The following IMMP2L variants were observed in gnomAD, a reference collection of about 807,000 sequenced individuals.
The protein encoded by IMMP2L is inner mitochondrial membrane peptidase subunit 2.
Under a neutral mutation model 19.3 loss-of-function variants are expected in IMMP2L, and 18 were observed. The ratio of observed to expected loss-of-function variants is 0.93; its 90% CI spans 0.64 to 1.38. The LOEUF is 1.38. Ranked by LOEUF, IMMP2L falls within the 40% of genes most tolerant of loss-of-function variation. IMMP2L has a pLI of 0.00. For missense variants in IMMP2L, 233 were observed against 218.2 expected (o/e 1.07, Z -0.43); for synonymous variants, 76 against 73.0 (o/e 1.04, Z -0.21).
At chr7:111,023,864 G>C (rs1197628500) in intron 3 of IMMP2L, among the ~76,000 whole-genome samples, 1 of 152,186 alleles carries the variant, frequency 6.6e-6, no homozygotes, top group Non-Finnish European at 1.5e-5. Flanking sequence ...AGGAGTCCAT[G>C]ACTCTCATCA....
At chr7:111,430,435 C>T (rs1342555511) in intron 3 of IMMP2L, among the ~76,000 whole-genome samples, 2 of 151,504 alleles carry the variant, frequency 1.3e-5, no homozygotes, top group Non-Finnish European at 2.9e-5. Flanking sequence ...TTTTAGCCTT[C>T]TTTAACTTCT....
chr7:110,932,124 T>C (rs1420308746), intron 4 of IMMP2L, among the ~76,000 whole-genome samples: 1 of 152,128 alleles, frequency 6.6e-6, no homozygotes, highest in African/African-American at 2.4e-5. Context: ...TCTGCCTTTA[T>C]GTCCTATTTC....
In IMMP2L at chr7:110,959,552, C is replaced by A. The variant is rs10267717; in HGVS notation, c.305+3948G>T. Among the ~76,000 whole-genome samples, 1,502 of 151,928 alleles carry A rather than the reference C, an allele frequency of 9.9e-3. 21 individuals carry two copies. The highest frequency in any genetic ancestry group is 0.033 in the African/African-American group (1,389 of 41,484). ...ATTATTAATATAAAATCCAGGAAGCCAAGGATCTTCAGGTGCCAAAGTTTC... is the reference window on the plus strand; with the variant it reads ...ATTATTAATATAAAATCCAGGAAGCAAAGGATCTTCAGGTGCCAAAGTTTC... On this transcript the variant is annotated intron_variant, in intron 4 of 5. Coordinates refer to ENST00000405709, the MANE Select transcript of IMMP2L (RefSeq NM_032549.4).
chr7:111,275,477 G>A (rs1450935288), intron 3 of IMMP2L, among the ~76,000 whole-genome samples: 1 of 152,038 alleles, frequency 6.6e-6, no homozygotes, highest in African/African-American at 2.4e-5. Flanking sequence ...CAGTTGTGGG[G>A]GACTGGTGAA....
At chr7:111,262,698 T>A (rs1321481728) in intron 3 of IMMP2L, among the ~76,000 whole-genome samples, 1 of 152,186 alleles carries the variant, frequency 6.6e-6, no homozygotes. Flanking sequence ...TAGAACTGTC[T>A]AGAGTATTAA....
At chr7:111,492,890 C>T (rs1843227576) in intron 2 of IMMP2L, among the ~76,000 whole-genome samples, 1 of 152,136 alleles carries the variant, frequency 6.6e-6, no homozygotes, top group Non-Finnish European at 1.5e-5. Context: ...CTCATGTGCG[C>T]TCCCATAGCA....
rs1398195151 is a variant in IMMP2L at position 110,757,664 on chromosome 7, G to A, written c.409-93943C>T. 6.6e-6 allele frequency among the ~76,000 whole-genome samples: 1 copy of A among 152,114 alleles called. No individual in the cohort carries two copies. Among genetic ancestry groups the A allele is most frequent in the East Asian group, 1.9e-4 (1 of 5,176 alleles). ...GTGCTCCCAGCCCTTGTCCAGCAGT[G>A]GTAACAGCTCTGCTTTATCAGGCCT... On this transcript the variant is annotated intron_variant, in intron 5 of 5. Coordinates refer to ENST00000405709, the MANE Select transcript of IMMP2L (RefSeq NM_032549.4). This position sits in a 1 kb window ranked among gnomAD's most constrained non-coding sequence, Gnocchi z 4.2.
At chr7:111,500,203 G>A (rs1007457236) in intron 2 of IMMP2L, among the ~76,000 whole-genome samples, 3 of 152,258 alleles carry the variant, frequency 2.0e-5, no homozygotes, top group Admixed American at 2.0e-4. Flanking sequence ...GAGTCTCGCT[G>A]ATTGCTAGCA....
At chr7:111,079,580 A>G (rs956391536) in intron 3 of IMMP2L, among the ~76,000 whole-genome samples, 10 of 152,366 alleles carry the variant, frequency 6.6e-5, no homozygotes, top group African/African-American at 2.2e-4. Context: ...GAGGTACTGC[A>G]TAATTCAAAG....
intron 5 of IMMP2L, among the ~76,000 whole-genome samples, chr7:110,830,262 T>C (rs1046918391): frequency 1.3e-5 from 2 of 152,122 alleles, no homozygotes; most frequent in Admixed American, 6.6e-5. Context: ...TTATGCCTTT[T>C]TAGCAATAGT....
intron 5 of IMMP2L, among the ~76,000 whole-genome samples, chr7:110,741,673 G>T (rs1184668303): frequency 6.6e-6 from 1 of 152,008 alleles, no homozygotes; most frequent in Non-Finnish European, 1.5e-5. Context: ...TGTTGCAGCA[G>T]CCAGAATGAA....
At chr7:110,819,846 T>C (rs556934571) in intron 5 of IMMP2L, among the ~76,000 whole-genome samples, 2 of 151,508 alleles carry the variant, frequency 1.3e-5, no homozygotes, top group African/African-American at 4.9e-5. Context: ...ATTTCCATGG[T>C]GTGTGTAAAC....
chr7:110,994,549 T>C (rs1822839341), intron 3 of IMMP2L, among the ~76,000 whole-genome samples: 1 of 152,148 alleles, frequency 6.6e-6, no homozygotes, highest in African/African-American at 2.4e-5. Context: ...TTGACCATAC[T>C]GATGCCAGAA....
chr7:111,082,192 G>A (rs12532608), intron 3 of IMMP2L, among the ~76,000 whole-genome samples: 111,591 of 152,052 alleles, frequency 0.73, 43,465 homozygotes, highest in Non-Finnish European at 0.86. Context: ...GTACAACGGA[G>A]CAAATCTACA....
chr7:111,430,132 A>G (rs1022495158), intron 3 of IMMP2L, among the ~76,000 whole-genome samples: 3 of 151,970 alleles, frequency 2.0e-5, no homozygotes, highest in Non-Finnish European at 4.4e-5. Context: ...CATAAATTAC[A>G]AAGTCCTATT....
intron 5 of IMMP2L, among the ~76,000 whole-genome samples, chr7:110,846,348 CTT>C (rs919194286): frequency 5.5e-4 from 69 of 126,346 alleles, no homozygotes; most frequent in South Asian, 1.4e-3. Flanking sequence ...ACCCTGATTT[CTT>C]TTTTTTTTTT....
intron 5 of IMMP2L, among the ~76,000 whole-genome samples, chr7:110,713,475 A>G (rs1784615753): frequency 7.9e-5 from 12 of 152,168 alleles, no homozygotes; most frequent in Admixed American, 7.9e-4. Flanking sequence ...GATAGGAATA[A>G]TACTGAATCT....
intron 3 of IMMP2L, among the ~76,000 whole-genome samples, chr7:111,308,563 C>G (rs1328457244): frequency 6.6e-6 from 1 of 151,822 alleles, no homozygotes; most frequent in Non-Finnish European, 1.5e-5. Flanking sequence ...ATAGTACAGA[C>G]AGTGAACTAC....
At chr7:111,492,646 C>G (rs1843208812) in intron 2 of IMMP2L, among the ~76,000 whole-genome samples, 1 of 152,146 alleles carries the variant, frequency 6.6e-6, no homozygotes, top group Non-Finnish European at 1.5e-5. Context: ...CTTATAGAAT[C>G]ACTCAAATGC....
Sources: gnomAD v4.1 joint callset for allele counts (sites outside exome capture counted in the v4.1 genomes callset) on GRCh38, gnomAD v4.1.1 for gene constraint, Gnocchi (gnomAD v3.1) non-coding constraint, MANE v1.5 for transcripts, NCBI Gene and HGNC (gene_info 2026-07-23, HGNC 2026-07-21) for gene names.